SH3TC2: variants seen among roughly 807,000 people sequenced by gnomAD.
The protein encoded by SH3TC2 is SH3 domain and tetratricopeptide repeat-containing protein 2.
Under a neutral mutation model 124.5 loss-of-function variants are expected in SH3TC2, and 87 were observed. The observed-to-expected ratio is 0.70, with a 90% CI of 0.59 to 0.84. The LOEUF (loss-of-function observed/expected upper bound fraction) is 0.84, where lower values mean the gene tolerates loss of function less well. SH3TC2 is among the 40% of genes least tolerant of loss of function. The pLI is 0.00. For missense variants in SH3TC2, 1,536 were observed against 1,566.4 expected (o/e 0.98, Z 0.33); for synonymous variants, 634 against 628.5 (o/e 1.01, Z -0.13).
rs1753404661 is a variant in SH3TC2, at chr5:148,990,501, C to T, written c.*14210G>A. ...AGTCAGGAGCAAAAGGAGATCAGAG[C>T]AGCTTGGTGGCGAACAGCATGGGCC... On this transcript the variant is annotated 3_prime_UTR_variant, in exon 17 of 17. Coordinates refer to ENST00000515425, the MANE Select transcript of SH3TC2 (RefSeq NM_024577.4). Among the ~76,000 whole-genome samples the T allele has an allele frequency of 6.6e-6, 1 of 152,160 alleles. No individual in the cohort carries two copies. Among genetic ancestry groups the T allele is most frequent in the South Asian group, 2.1e-4 (1 of 4,826 alleles).
At chr5:149,012,273 T>C (rs1753795919) in intron 13 of SH3TC2, among the ~76,000 whole-genome samples, 5 of 152,218 alleles carry the variant, frequency 3.3e-5, no homozygotes, top group Admixed American at 3.3e-4. Flanking sequence ...TATGTTGAGC[T>C]TTGGAAAGAC....
intron 1 of SH3TC2, among the ~76,000 whole-genome samples, chr5:149,056,907 GA>G (rs1197418620): frequency 6.6e-6 from 1 of 151,866 alleles, no homozygotes; most frequent in Non-Finnish European, 1.5e-5. Flanking sequence ...AATTACCTTC[GA>G]AAAAAATGTA....
At chr5:149,015,502 C>A (rs1271585597) in intron 12 of SH3TC2, among the ~76,000 whole-genome samples, 1 of 152,234 alleles carries the variant, frequency 6.6e-6, no homozygotes, top group Non-Finnish European at 1.5e-5. Flanking sequence ...GCCAGCACTG[C>A]ATCAGCCTTG....
At chr5:149,060,260 C>G (rs755351988) in intron 1 of SH3TC2, among the ~76,000 whole-genome samples, 4 of 152,148 alleles carry the variant, frequency 2.6e-5, no homozygotes, top group African/African-American at 4.8e-5. Context: ...TCTCTGTGAT[C>G]CAAAGTGAGC....
chr5:149,027,058 G>C lies in SH3TC2; in HGVS notation c.2674C>G (p.Gln892Glu). Residue 892 changes from glutamine to glutamate, a missense_variant, in exon 11 of 17, where the codon CAG (glutamine) becomes GAG (glutamate). Physicochemically the swap from Gln to Glu is conservative, Grantham distance 29 (BLOSUM62 2). Transcript: ENST00000515425. ...AGGAGATAGTTTCTGGCTGGATGCT[G>C]AGCCCAGGACTTAAGGCTCAGGTGG... ...LGHLSLKSWA[Q>E]HPARNYLLQA... is the part of the protein sequence containing the mutation. The C allele has an allele frequency of 6.2e-7, 1 of 1,614,174 alleles. No homozygotes were observed. The highest frequency in any genetic ancestry group is 8.5e-7 in the Non-Finnish European group (1 of 1,180,016).
chr5:149,013,879 G>A (rs1753826014), intron 12 of SH3TC2, among the ~76,000 whole-genome samples: 1 of 152,302 alleles, frequency 6.6e-6, no homozygotes, highest in African/African-American at 2.4e-5. Context: ...CTATTTCCCA[G>A]TGTGTTGCAA....
chr5:149,007,211 G>A, intron 15 of SH3TC2, 134 bp from the exon 16 acceptor site: 2 of 790,628 alleles, frequency 2.5e-6, no homozygotes, highest in Non-Finnish European at 4.4e-6. Context: ...AAATAAGACA[G>A]AAGAGGTGCC....
At chr5:149,026,470 G>A (rs955554737) in intron 12 of SH3TC2, 102 bp downstream of exon 12, 88 of 1,428,278 alleles carry the variant, frequency 6.2e-5, no homozygotes, top group Non-Finnish European at 7.9e-5. Context: ...ACAAAGCCCC[G>A]CCTATACCAT....
rs1156711299 is a variant in SH3TC2 at position 148,992,492 on chromosome 5, A to G, written c.*12219T>C. Among the ~76,000 whole-genome samples the G allele has an allele frequency of 6.6e-6, 1 of 151,666 alleles. No individual in the cohort carries two copies. Among genetic ancestry groups the G allele is most frequent in the Non-Finnish European group, 1.5e-5 (1 of 67,976 alleles). On this transcript the variant is annotated 3_prime_UTR_variant, in exon 17 of 17. Coordinates refer to ENST00000515425, the MANE Select transcript of SH3TC2 (RefSeq NM_024577.4). ...GGACAGGTCCTGACAGATTACCGAG[A>G]CTGAGGTTTTTAACTCATCATCCTT... is the stretch of plus-strand genomic sequence containing the variant.
At position 149,004,137 on chromosome 5, in the gene SH3TC2, T is replaced by G. The variant is rs74964033; in HGVS notation, c.*574A>C. On this transcript the variant is annotated 3_prime_UTR_variant, in exon 17 of 17. Coordinates refer to ENST00000515425, the MANE Select transcript of SH3TC2 (RefSeq NM_024577.4). The stretch of plus-strand genomic sequence containing the variant: ...TGAATCCAAGTCAGGTTTCGTGCAA[T>G]CCATCTGGCCATTCTGAGGCTGTGT... 170 of 181,642 alleles carry G rather than the reference T, an allele frequency of 9.4e-4. 1 individual carries two copies. In the East Asian group the frequency reaches 0.026, roughly 28 times the overall value. The allele number at this position is 181,642 out of a possible 1,614,324, so 11.3% of individuals were successfully genotyped here. A position where few individuals can be genotyped will look rare whatever the true frequency, so the allele number is the denominator to read the frequency against.
At chr5:149,044,335 A>C (rs1312165056) in intron 4 of SH3TC2, 198 bp downstream of exon 4, 5 of 543,772 alleles carry the variant, frequency 9.2e-6, no homozygotes, top group Non-Finnish European at 1.7e-5. Context: ...ACTTCTTCAT[A>C]CGGCATTTTA....
chr5:149,010,003 T>A (rs1418264147), intron 14 of SH3TC2, among the ~76,000 whole-genome samples: 2 of 152,194 alleles, frequency 1.3e-5, no homozygotes. Context: ...GAGTCTGAGA[T>A]GGTCTTGATC....
At chr5:149,010,470 C>G in intron 13 of SH3TC2, 78 bp from the exon 14 acceptor site, 1 of 1,593,634 alleles carries the variant, frequency 6.3e-7, no homozygotes. Context: ...AGCTAAGACG[C>G]AGACCACCTA....
At chr5:149,028,948 G>T (rs189067506) in intron 9 of SH3TC2, among the ~76,000 whole-genome samples, 1 of 148,984 alleles carries the variant, frequency 6.7e-6, no homozygotes, top group Non-Finnish European at 1.5e-5. Flanking sequence ...CAAGGTATAC[G>T]TGAAACTCAG....
chr5:149,004,660 G>A lies in SH3TC2; in HGVS notation c.*51C>T, dbSNP rs978318088. The A allele has an allele frequency of 1.9e-6, 3 of 1,598,814 alleles. No homozygotes were observed. Among genetic ancestry groups the A allele is most frequent in the Admixed American group, 1.7e-5 (1 of 59,558 alleles). On this transcript the variant is annotated 3_prime_UTR_variant, in exon 17 of 17. Coordinates refer to ENST00000515425, the MANE Select transcript of SH3TC2 (RefSeq NM_024577.4). ...AATGAGTATTTAAGAGCCTAGGGCA[G>A]TGGGGTCAGAGTCTGGCCATGCCAA...
At chr5:149,006,314 C>A in intron 16 of SH3TC2, 1 of 111,806 alleles carries the variant, frequency 8.9e-6, no homozygotes, top group South Asian at 2.6e-4. Flanking sequence ...GCAAGAGAAG[C>A]AGGGATAAAA....
chr5:149,020,198 T>A (rs1753946143), intron 12 of SH3TC2, among the ~76,000 whole-genome samples: 1 of 151,780 alleles, frequency 6.6e-6, no homozygotes, highest in African/African-American at 2.4e-5. Context: ...TTCTGACATA[T>A]TCCTGGGAAT....
At chr5:149,058,073 T>TA (rs1463829713) in intron 1 of SH3TC2, among the ~76,000 whole-genome samples, 2 of 152,178 alleles carry the variant, frequency 1.3e-5, no homozygotes, top group Non-Finnish European at 2.9e-5. Flanking sequence ...AAACAGAGCT[T>TA]AGGAAAGATA....
chr5:149,056,848 A>G (rs1754656780), intron 1 of SH3TC2, among the ~76,000 whole-genome samples: 1 of 152,216 alleles, frequency 6.6e-6, no homozygotes, highest in Non-Finnish European at 1.5e-5. Context: ...TGGGCCTTGG[A>G]AAAGAACCAG....
Sources: allele counts gnomAD v4.1 joint callset (sites outside exome capture counted in the v4.1 genomes callset), GRCh38; gene constraint gnomAD v4.1.1; transcripts MANE v1.5; gene names NCBI Gene and HGNC (gene_info 2026-07-23, HGNC 2026-07-21).